Variants in CASK observed in about 807,000 individuals in gnomAD.
CASK encodes calcium/calmodulin dependent serine protein kinase, also known as peripheral plasma membrane protein CASK.
A neutral mutation model predicts 82.9 loss-of-function variants in CASK; 4 were observed. That is an observed-to-expected ratio of 0.05 (90% confidence interval 0.02 to 0.11). CASK has a LOEUF of 0.11. CASK is among the 10% of genes least tolerant of loss of function. The probability of loss-of-function intolerance (pLI) is 1.00; values close to 1 mark genes in which losing one functional copy is unlikely to be tolerated. For missense variants in CASK, 358 were observed against 720.9 expected, an observed-to-expected ratio of 0.50 and a Z score of 5.76; for synonymous variants, 259 against 253.5, an observed-to-expected ratio of 1.02 and a Z score of -0.20.
chrX:41,745,057 GC>G (rs1230366578), intron 4 of CASK, among the ~76,000 whole-genome samples: 1 of 111,772 alleles, frequency 8.9e-6, no homozygotes, highest in African/African-American at 3.3e-5. Context: ...CGCTCTTGTT[GC>G]CCAAGCTGGA....
intron 3 of CASK, among the ~76,000 whole-genome samples, chrX:41,767,577 C>T (rs139934185): frequency 8.9e-6 from 1 of 112,010 alleles, no homozygotes; most frequent in Admixed American, 9.5e-5. Flanking sequence ...TAGGATTCCA[C>T]GTTGCATTTA....
chrX:41,845,955 C>G (rs932974816), intron 2 of CASK, among the ~76,000 whole-genome samples: 21 of 111,605 alleles, frequency 1.9e-4, no homozygotes, highest in African/African-American at 6.5e-4. Context: ...GAAAAGGTAA[C>G]CCTCGTACGC....
In CASK at chrX:41,665,213, C is replaced by A; in HGVS notation, c.708+64G>T. The A allele has an allele frequency of 2.9e-6, 3 of 1,018,208 alleles. No individual in the cohort carries two copies. The African/African-American group carries it at 5.6e-5, about 19-fold the overall frequency. The allele number at this position is 1,018,208 out of a possible 1,213,427, so 83.9% of individuals were successfully genotyped here. ...AGTGGGCAAAGACAGACAGTAACTT[C>A]AAAAAAACATTTTTCAGGATAAATT... On this transcript the variant is annotated intron_variant, in intron 7 of 26. Coordinates refer to ENST00000378163, the MANE Select transcript of CASK (RefSeq NM_001367721.1).
At chrX:41,752,271 A>C (rs1272237324) in intron 3 of CASK, among the ~76,000 whole-genome samples, 3 of 110,241 alleles carry the variant, frequency 2.7e-5, no homozygotes, top group African/African-American at 6.6e-5. Flanking sequence ...CAAATAAGAA[A>C]TCATCATAAT....
intron 3 of CASK, among the ~76,000 whole-genome samples, chrX:41,785,113 T>C (rs2069563643): frequency 9.4e-6 from 1 of 106,025 alleles, no homozygotes; most frequent in Non-Finnish European, 1.9e-5. Context: ...CTCAGGTGAT[T>C]CTCCAACCTC....
chrX:41,665,694 T>C lies in CASK; in HGVS notation c.533-242A>G, dbSNP rs2067105348. ...TGTCTTGTACACTGGCACTCCCTAT[T>C]GAATTCTGCATGCTACGTAGTAGGT... is the stretch of plus-strand genomic sequence containing the variant. On this transcript the variant is annotated intron_variant, in intron 6 of 26. Coordinates refer to ENST00000378163, the MANE Select transcript of CASK (RefSeq NM_001367721.1). 7.2e-6 allele frequency: 3 copies of C among 416,038 alleles called. No individual in the cohort carries two copies. In the South Asian group the frequency reaches 1.2e-4, roughly 16 times the overall value. 34.3% of individuals were successfully genotyped at this position (416,038 alleles called of 1,213,427 possible).
chrX:41,701,331 T>C (rs771084334), intron 5 of CASK, among the ~76,000 whole-genome samples: 2 of 111,957 alleles, frequency 1.8e-5, no homozygotes, highest in East Asian at 5.6e-4. Flanking sequence ...GACTTAAAAA[T>C]TTAGATTCTT....
At chrX:41,916,023 AC>A (rs1352369636) in intron 1 of CASK, among the ~76,000 whole-genome samples, 1 of 107,817 alleles carries the variant, frequency 9.3e-6, no homozygotes, top group Non-Finnish European at 1.9e-5. Flanking sequence ...ACACGCACAC[AC>A]AAATTAGCCA....
chrX:41,632,789 G>A (rs1259763411), intron 9 of CASK, among the ~76,000 whole-genome samples: 1 of 111,205 alleles, frequency 9.0e-6, no homozygotes, highest in African/African-American at 3.3e-5. Flanking sequence ...GCTTATGCCT[G>A]TAATCCCAGC....
chrX:41,633,052 A>AG (rs1569354982), intron 9 of CASK, among the ~76,000 whole-genome samples: 1 of 100,877 alleles, frequency 9.9e-6, no homozygotes, highest in Non-Finnish European at 2.1e-5. Context: ...AAAAAAAAAA[A>AG]AAAAAATAAT....
intron 2 of CASK, among the ~76,000 whole-genome samples, chrX:41,832,421 C>A (rs2070841090): frequency 8.9e-6 from 1 of 112,197 alleles, no homozygotes; most frequent in Non-Finnish European, 1.9e-5. Flanking sequence ...AAATTCTATT[C>A]CTATTTTCAC....
intron 2 of CASK, among the ~76,000 whole-genome samples, chrX:41,788,704 G>A (rs2069661995): frequency 9.0e-6 from 1 of 111,342 alleles, no homozygotes; most frequent in African/African-American, 3.3e-5. Flanking sequence ...CAAGAGAGTA[G>A]AGGAAATTAA....
chrX:41,527,243 C>CAGAG lies in CASK; in HGVS notation c.2521-3213_2521-3210dup, dbSNP rs958703156. On this transcript the variant is annotated intron_variant, in intron 25 of 26. Transcript: ENST00000378163. ...AGAGGGGGAGAGGCAGAGAGAGAGA[C>CAGAG]AGAGAGAGAGAGAGAGTGTGTGTGT... 4.7e-5 allele frequency among the ~76,000 whole-genome samples: 5 copies of CAGAG among 105,810 alleles called. No homozygotes were observed. In the South Asian group the frequency reaches 2.1e-3, roughly 44 times the overall value. 91.9% of individuals were successfully genotyped at this position (105,810 alleles called of 115,157 possible). A position where few individuals can be genotyped will look rare whatever the true frequency, so the allele number is the denominator to read the frequency against.
chrX:41,817,570 T>C (rs2070438493), intron 2 of CASK, among the ~76,000 whole-genome samples: 1 of 111,588 alleles, frequency 9.0e-6, no homozygotes, highest in African/African-American at 3.3e-5. Context: ...GTTTTGGATT[T>C]AGGTATTAGC....
chrX:41,759,819 T>C (rs756973136), intron 3 of CASK, among the ~76,000 whole-genome samples: 1 of 112,274 alleles, frequency 8.9e-6, no homozygotes, highest in Non-Finnish European at 1.9e-5. Flanking sequence ...TGATATGTAG[T>C]CTGAAATACT....
intron 2 of CASK, among the ~76,000 whole-genome samples, chrX:41,849,566 A>T (rs1158505140): frequency 8.9e-6 from 1 of 111,880 alleles, no homozygotes. Flanking sequence ...AGAAATTCTA[A>T]ATCATTTAGG....
chrX:41,770,257 C>CTATCTATCT (rs771583572), intron 3 of CASK, among the ~76,000 whole-genome samples: 1 of 86,539 alleles, frequency 1.2e-5, no homozygotes, highest in African/African-American at 4.6e-5. Context: ...ATCTATCTAT[C>CTATCTATCT]ATCTATCTAT....
At chrX:41,556,158 G>A (rs2065157941) in intron 19 of CASK, 1 of 111,873 alleles carries the variant, frequency 8.9e-6, no homozygotes, top group South Asian at 3.6e-4. Context: ...CATTCCATTT[G>A]AGATAATTTC....
At chrX:41,839,547 A>G (rs1276164399) in intron 2 of CASK, among the ~76,000 whole-genome samples, 1 of 78,429 alleles carries the variant, frequency 1.3e-5, no homozygotes, top group African/African-American at 4.8e-5. Context: ...TTTTTTTTGT[A>G]GATTCCTTTT....
Sources: allele counts gnomAD v4.1 joint callset (sites outside exome capture counted in the v4.1 genomes callset), GRCh38; gene constraint gnomAD v4.1.1; transcripts MANE v1.5; gene names NCBI Gene and HGNC (gene_info 2026-07-23, HGNC 2026-07-21).